CATSPERB: variants seen among roughly 807,000 people sequenced by gnomAD.
CATSPERB encodes the protein catsper channel auxiliary subunit beta.
In CATSPERB, 93 loss-of-function variants were observed where a neutral mutation model predicts 128.3. The ratio of observed to expected loss-of-function variants is 0.72; its 90% CI spans 0.61 to 0.86. The LOEUF is 0.86. Among genes scored for constraint, CATSPERB ranks in the 40% least tolerant of loss-of-function variants. CATSPERB has a pLI of 0.00. For synonymous variants in CATSPERB, 381 were observed against 448.8 expected (o/e 0.85, Z 1.91); for missense variants, 1,153 against 1,329.5 (o/e 0.87, Z 2.06).
chr14:91,674,222 A>G lies in CATSPERB; in HGVS notation c.932T>C (p.Val311Ala), dbSNP rs1895152116. The G allele has an allele frequency of 6.5e-7, 1 of 1,533,392 alleles. No individual in the cohort carries two copies. The highest frequency in any genetic ancestry group is 9.0e-7 in the Non-Finnish European group (1 of 1,115,698). The allele number at this position is 1,533,392 out of a possible 1,614,324, so 95.0% of individuals were successfully genotyped here. Residue 311 changes from valine (V) to alanine (A), a missense_variant and splice_region_variant, in exon 12 of 27, where the codon GTT becomes GCT. Coordinates refer to ENST00000256343, the MANE Select transcript of CATSPERB (RefSeq NM_024764.4). ...RCFANREHFE[V>A]DYVTVTFERN... is the part of the protein sequence containing the mutation. ...CTCAAAGGTAACTGTAACATAATCAACTGTGAAATAAATACAAGGGTACAG... is the reference window on the plus strand; with the variant it reads ...CTCAAAGGTAACTGTAACATAATCAGCTGTGAAATAAATACAAGGGTACAG...
At position 91,640,310 on chromosome 14, in the gene CATSPERB, T is replaced by C. The variant is rs1483905758; in HGVS notation, c.1433-1060A>G. Among the ~76,000 whole-genome samples, 3 of 150,718 alleles carry C rather than the reference T, an allele frequency of 2.0e-5. No homozygotes were observed. The East Asian group carries it at 5.9e-4, about 30-fold the overall frequency. On this transcript the variant is annotated intron_variant, in intron 15 of 26. Transcript: ENST00000256343. ...GCACATTGTGCAGGTTAGATACATATGTATACATGTGCCATGCTGGTGCAC... is the reference window on the plus strand; with the variant it reads ...GCACATTGTGCAGGTTAGATACATACGTATACATGTGCCATGCTGGTGCAC...
intron 6 of CATSPERB, among the ~76,000 whole-genome samples, chr14:91,705,944 T>C (rs1895725315): frequency 6.6e-6 from 1 of 152,188 alleles, no homozygotes; most frequent in African/African-American, 2.4e-5. Flanking sequence ...GAGGGTTTTT[T>C]TTCTTTTAGA....
At chr14:91,584,159 C>G (rs981309523) in intron 26 of CATSPERB, among the ~76,000 whole-genome samples, 10 of 152,192 alleles carry the variant, frequency 6.6e-5, no homozygotes, top group African/African-American at 2.4e-4. Flanking sequence ...ATCTCTGCCT[C>G]CTGGGTTCAA....
At chr14:91,644,504 A>G (rs1257519594) in intron 15 of CATSPERB, among the ~76,000 whole-genome samples, 1 of 136,398 alleles carries the variant, frequency 7.3e-6, no homozygotes, top group Non-Finnish European at 1.6e-5. Context: ...TTCTGGGTTG[A>G]AAATTCTTTT....
intron 5 of CATSPERB, among the ~76,000 whole-genome samples, chr14:91,718,832 G>A (rs1205968644): frequency 6.6e-6 from 1 of 151,902 alleles, no homozygotes; most frequent in Non-Finnish European, 1.5e-5. Flanking sequence ...AAGTCAAGTT[G>A]GTTTTGTTTA....
chr14:91,630,303 A>G (rs1595154903), intron 17 of CATSPERB, among the ~76,000 whole-genome samples: 1 of 152,126 alleles, frequency 6.6e-6, no homozygotes, highest in Non-Finnish European at 1.5e-5. Context: ...GGAGCACCCC[A>G]GGGCTTTTCT....
intron 17 of CATSPERB, among the ~76,000 whole-genome samples, chr14:91,634,028 C>A (rs1002658126): frequency 6.6e-6 from 1 of 152,120 alleles, no homozygotes; most frequent in African/African-American, 2.4e-5. Flanking sequence ...GGGATGCCAA[C>A]CTCCTGTGCA....
chr14:91,672,939 T>G lies in CATSPERB; in HGVS notation c.1056A>C (p.Lys352Asn). The G allele has an allele frequency of 6.2e-7, 1 of 1,603,508 alleles. No individual in the cohort carries two copies. Among genetic ancestry groups the G allele is most frequent in the Non-Finnish European group, 8.5e-7 (1 of 1,177,748 alleles). ...PCLPHIFKGI[K>N]IFPTVLTFLV... ...GAAATGTTAGCACAGTTGGAAAAAT[T>G]TTTATTCCTTTAAAAATGTGAGGTA... Residue 352 changes from lysine to asparagine, a missense_variant, in exon 13 of 27, where the codon AAA (lysine) becomes AAC (asparagine). Physicochemically the swap from Lys to Asn is moderately conservative, Grantham distance 94. Coordinates refer to ENST00000256343, the MANE Select transcript of CATSPERB (RefSeq NM_024764.4).
rs1243208727 is a variant in CATSPERB at position 91,708,002 on chromosome 14, C to T, written c.466+139G>A. 4 of 654,818 alleles carry T rather than the reference C, an allele frequency of 6.1e-6. No homozygotes were observed. In the South Asian group the frequency reaches 7.1e-5, roughly 12 times the overall value. The allele number at this position is 654,818 out of a possible 1,614,324, so 40.6% of individuals were successfully genotyped here. A position where few individuals can be genotyped will look rare whatever the true frequency, so the allele number is the denominator to read the frequency against. On this transcript the variant is annotated intron_variant, in intron 6 of 26. Coordinates refer to ENST00000256343, the MANE Select transcript of CATSPERB (RefSeq NM_024764.4). ...TTATCCTATCAGATTGTGAGTGCCT[C>T]AAGGGTCATGATTATCTCCTATTTA...
At chr14:91,717,599 G>T (rs567405680) in intron 5 of CATSPERB, among the ~76,000 whole-genome samples, 81 of 152,220 alleles carry the variant, frequency 5.3e-4, no homozygotes, top group African/African-American at 1.9e-3. Flanking sequence ...TTAGAGCAGT[G>T]CTGACATATA....
At chr14:91,628,906 C>T (rs1030112907) in intron 17 of CATSPERB, among the ~76,000 whole-genome samples, 5 of 152,168 alleles carry the variant, frequency 3.3e-5, no homozygotes, top group African/African-American at 4.8e-5. Flanking sequence ...TAGGAACTCT[C>T]GTTCATTGTT....
intron 15 of CATSPERB, among the ~76,000 whole-genome samples, chr14:91,654,306 G>T (rs1231264840): frequency 6.6e-6 from 1 of 152,134 alleles, no homozygotes; most frequent in Non-Finnish European, 1.5e-5. Flanking sequence ...TGGGCTCCTG[G>T]GGTCTCTGAT....
chr14:91,660,799 T>C (rs373765156), intron 14 of CATSPERB, among the ~76,000 whole-genome samples: 2 of 152,240 alleles, frequency 1.3e-5, no homozygotes, highest in African/African-American at 4.8e-5. Context: ...TAATCAATCC[T>C]AGTCTCCTCT....
chr14:91,603,573 C>A lies in CATSPERB; in HGVS notation c.2709+4721G>T, dbSNP rs140551305. On this transcript the variant is annotated intron_variant, in intron 22 of 26. Coordinates refer to ENST00000256343, the MANE Select transcript of CATSPERB (RefSeq NM_024764.4). ...CCACCGCTCTAGAGCCTGAGAAGCG[C>A]GCACTGCCCTCAGAAGAGAGGTTTA... 1.2e-5 allele frequency: 8 copies of A among 662,944 alleles called. No individual in the cohort carries two copies. The Admixed American group carries it at 2.0e-4, about 17-fold the overall frequency. The allele number at this position is 662,944 out of a possible 1,614,324, so 41.1% of individuals were successfully genotyped here.
At chr14:91,651,847 C>T (rs1894708608) in intron 15 of CATSPERB, among the ~76,000 whole-genome samples, 2 of 152,080 alleles carry the variant, frequency 1.3e-5, no homozygotes, top group African/African-American at 2.4e-5. Context: ...GAAAGAAAAG[C>T]TTGGGATGAA....
chr14:91,602,763 C>G (rs775959938), intron 22 of CATSPERB, among the ~76,000 whole-genome samples: 12 of 152,168 alleles, frequency 7.9e-5, no homozygotes, highest in African/African-American at 1.2e-4. Flanking sequence ...TTCATGCCTA[C>G]TAGGTTGCTT....
intron 22 of CATSPERB, among the ~76,000 whole-genome samples, chr14:91,606,949 C>CTAGTGACAGAAATATCAAGG (rs71120175): frequency 6.6e-6 from 1 of 151,538 alleles, no homozygotes; most frequent in African/African-American, 2.4e-5. Context: ...GGAGGTGGTT[C>CTAGTGACAGAAATATCAAGG]TTTGTCTTTG....
At chr14:91,628,405 G>A (rs1894208674) in intron 17 of CATSPERB, among the ~76,000 whole-genome samples, 2 of 152,184 alleles carry the variant, frequency 1.3e-5, no homozygotes, top group South Asian at 4.1e-4. Flanking sequence ...GCAGATGGCA[G>A]GTAACTATAG....
intron 22 of CATSPERB, among the ~76,000 whole-genome samples, chr14:91,597,449 T>G (rs1330160140): frequency 6.6e-6 from 1 of 152,242 alleles, no homozygotes; most frequent in Non-Finnish European, 1.5e-5. Flanking sequence ...CTATAAAATT[T>G]AATCTTGATT....
Sources: allele counts gnomAD v4.1 joint callset (sites outside exome capture counted in the v4.1 genomes callset), GRCh38; gene constraint gnomAD v4.1.1; transcripts MANE v1.5; gene names NCBI Gene and HGNC (gene_info 2026-07-23, HGNC 2026-07-21).